The following POLR1E variants were observed in gnomAD, a reference collection of about 807,000 sequenced individuals.
POLR1E encodes RNA polymerase I subunit E.
In POLR1E, 37 loss-of-function variants were observed where a neutral mutation model predicts 50.9. That is an observed-to-expected ratio of 0.73 (90% confidence interval 0.56 to 0.96). The LOEUF is 0.96. Ranked by LOEUF, POLR1E falls within the 40% of genes least tolerant of loss-of-function variation. The pLI is 0.00. For missense variants in POLR1E, 426 were observed against 518.1 expected (o/e 0.82, Z 1.73); for synonymous variants, 166 against 191.6 (o/e 0.87, Z 1.10).
intron 6 of POLR1E, 134 bp from the exon 7 acceptor site, chr9:37,495,035 C>G: frequency 1.4e-6 from 1 of 701,662 alleles, no homozygotes; most frequent in Non-Finnish European, 2.5e-6. Context: ...GATGGGGAGG[C>G]GAGGTCACTT....
intron 10 of POLR1E, among the ~76,000 whole-genome samples, chr9:37,501,301 C>G (rs1588807845): frequency 6.6e-6 from 1 of 152,252 alleles, no homozygotes; most frequent in African/African-American, 2.4e-5. Context: ...AGGCCCTGCC[C>G]CTGGGCTTCC....
chr9:37,486,971 C>T (rs527855983), intron 2 of POLR1E, among the ~76,000 whole-genome samples, 165 bp downstream of exon 2: 1 of 152,298 alleles, frequency 6.6e-6, no homozygotes, highest in Non-Finnish European at 1.5e-5. Context: ...CAGGCTCCAT[C>T]TTTCATTCAT....
chr9:37,486,420 G>C (rs1198994467), intron 1 of POLR1E: 1 of 1,532,412 alleles, frequency 6.5e-7, no homozygotes, highest in Non-Finnish European at 8.8e-7. Flanking sequence ...CTGGGCAGGG[G>C]TTCCTTCTGT....
intron 6 of POLR1E, 67 bp from the exon 7 acceptor site, chr9:37,495,102 A>G (rs1017388695): frequency 1.5e-6 from 2 of 1,341,890 alleles, no homozygotes; most frequent in Non-Finnish European, 2.1e-6. Flanking sequence ...AAGTGCACAG[A>G]CTGAAAAGAA....
intron 3 of POLR1E, among the ~76,000 whole-genome samples, chr9:37,488,576 T>A (rs528370196): frequency 6.6e-6 from 1 of 152,048 alleles, no homozygotes; most frequent in African/African-American, 2.4e-5. Context: ...TGCTGAGAAC[T>A]ATTAACCCTG....
chr9:37,487,671 G>A (rs926713561), intron 2 of POLR1E, among the ~76,000 whole-genome samples, 192 bp from the exon 3 acceptor site: 3 of 152,178 alleles, frequency 2.0e-5, no homozygotes, highest in Non-Finnish European at 2.9e-5. Flanking sequence ...TCCAGAAGTC[G>A]TCTTGCTTCC....
intron 5 of POLR1E, 32 bp from the exon 6 acceptor site, chr9:37,493,526 TG>T: frequency 6.5e-7 from 1 of 1,545,620 alleles, no homozygotes. Context: ...CTACCTGTCC[TG>T]TCCCCAGTAA....
Position 37,495,209 on chromosome 9 carries a change from C to T in POLR1E, c.588C>T (p.Asp196=). 6.2e-7 allele frequency: 1 copy of T among 1,614,158 alleles called. No individual in the cohort carries two copies. The highest frequency in any genetic ancestry group is 1.3e-5 in the African/African-American group (1 of 75,056). Reference sequence around the variant, plus strand: ...CTATCCACAATGACTTGCAAGATGACTCCCTCTACCTTCCTCCCTGCTATG... The same window carrying T: ...CTATCCACAATGACTTGCAAGATGATTCCCTCTACCTTCCTCCCTGCTATG... ...SDAIHNDLQD[D]SLYLPPCYDD... Residue 196 remains aspartate (D), a synonymous_variant, in exon 7 of 12, where the codon GAC becomes GAT. Transcript: ENST00000377798.
At chr9:37,493,254 TCTA>T (rs980764509) in intron 5 of POLR1E, among the ~76,000 whole-genome samples, 7 of 152,308 alleles carry the variant, frequency 4.6e-5, no homozygotes, top group African/African-American at 1.7e-4. Context: ...GAATTACCAT[TCTA>T]CTATTCCTGT....
chr9:37,492,823 C>A, intron 5 of POLR1E, 108 bp downstream of exon 5: 3 of 925,298 alleles, frequency 3.2e-6, no homozygotes, highest in Non-Finnish European at 5.2e-6. Flanking sequence ...TCCCTGGCTG[C>A]TCCCCGCTCA....
Position 37,487,940 on chromosome 9 carries a change from G to T in POLR1E, c.257+1G>T. On this transcript the variant is annotated splice_donor_variant, in intron 3 of 11. Transcript: ENST00000377798. LOFTEE classifies it high-confidence loss of function. Reference sequence around the variant, plus strand: ...CCCTCAAATGCAACACTTTGTGCAGGTAATGGCAGGGGAAGGGACAGTGGG... The same window carrying T: ...CCCTCAAATGCAACACTTTGTGCAGTTAATGGCAGGGGAAGGGACAGTGGG... 6.2e-7 allele frequency: 1 copy of T among 1,613,986 alleles called. No homozygotes were observed. Among genetic ancestry groups the T allele is most frequent in the Non-Finnish European group, 8.5e-7 (1 of 1,179,932 alleles).
chr9:37,486,361 G>T, intron 1 of POLR1E: 1 of 1,462,296 alleles, frequency 6.8e-7, no homozygotes, highest in Non-Finnish European at 9.1e-7. Context: ...GGACCCTGCT[G>T]ACCCCCTCAC....
chr9:37,503,261 C>G lies in POLR1E; in HGVS notation c.*59C>G. On this transcript the variant is annotated 3_prime_UTR_variant, in exon 12 of 12. Transcript: ENST00000377798. ...ATCACAGCCACTGGCTGGTCCTATT[C>G]ATTTCCATTTTTATGTATGTTTTGA... 6.6e-7 allele frequency: 1 copy of G among 1,508,736 alleles called. No homozygotes were observed. Among genetic ancestry groups the G allele is most frequent in the Non-Finnish European group, 8.9e-7 (1 of 1,127,546 alleles). 93.5% of individuals were successfully genotyped at this position (1,508,736 alleles called of 1,614,324 possible).
chr9:37,486,407 T>G, intron 1 of POLR1E: 1 of 1,519,690 alleles, frequency 6.6e-7, no homozygotes, highest in Non-Finnish European at 8.9e-7. Context: ...TTCCCTCTCT[T>G]CACTGGGCAG....
At chr9:37,503,008 G>T in intron 11 of POLR1E, 35 bp from the exon 12 acceptor site, 1 of 1,578,652 alleles carries the variant, frequency 6.3e-7, no homozygotes, top group East Asian at 2.3e-5. Flanking sequence ...CATGTTGAGG[G>T]GTCTCTCCAG....
intron 4 of POLR1E, among the ~76,000 whole-genome samples, chr9:37,492,000 G>A (rs952463092): frequency 1.3e-5 from 2 of 152,200 alleles, no homozygotes; most frequent in Non-Finnish European, 2.9e-5. Context: ...CACACACAGA[G>A]ATAACATTTA....
At position 37,489,943 on chromosome 9, in the gene POLR1E, G is replaced by A. The variant is rs73439413; in HGVS notation, c.343+543G>A. ...CAGGCACCAAGCTGGGGCTGTGGAT[G>A]TGGCAGTAAGCAAGACAGACACAGA... is the stretch of plus-strand genomic sequence containing the variant. On this transcript the variant is annotated intron_variant, in intron 4 of 11. Transcript: ENST00000377798. Among the ~76,000 whole-genome samples the A allele has an allele frequency of 6.9e-3, 1,052 of 152,274 alleles. 19 individuals carry two copies. Among genetic ancestry groups the A allele is most frequent in the African/African-American group, 0.023 (952 of 41,544 alleles).
At position 37,501,803 on chromosome 9, in the gene POLR1E, C is replaced by T. The variant is rs767019108; in HGVS notation, c.1059C>T (p.Asp353=). Reference sequence around the variant, plus strand: ...TGCACATACATGACTTCCAAATTGACCTGACAGTGTTACAGAGGGACTTGA... The same window carrying T: ...TGCACATACATGACTTCCAAATTGATCTGACAGTGTTACAGAGGGACTTGA... The part of the protein sequence containing the change: ...LALHIHDFQI[D]LTVLQRDLKL... The change falls in exon 11 of 12, where the codon GAC becomes GAT. Residue 353 remains aspartate, a synonymous_variant. Coordinates refer to ENST00000377798, the MANE Select transcript of POLR1E (RefSeq NM_022490.4). The T allele has an allele frequency of 4.8e-5, 77 of 1,613,870 alleles. No homozygotes were observed. The highest frequency in any genetic ancestry group is 1.6e-4 in the Middle Eastern group (1 of 6,084).
chr9:37,486,010 C>G lies in POLR1E; in HGVS notation c.-38C>G, dbSNP rs768091738. 2 of 1,578,646 alleles carry G rather than the reference C, an allele frequency of 1.3e-6. No homozygotes were observed. The highest frequency in any genetic ancestry group is 2.3e-5 in the East Asian group (1 of 43,354). ...TTTAAAAGTGCGCTTGTGGCTGCTG[C>G]TGTCTTAACTCCTGTGCTTGGCGGA... On this transcript the variant is annotated 5_prime_UTR_variant, in exon 1 of 12. Transcript: ENST00000377798.
Sources: allele counts gnomAD v4.1 joint callset (sites outside exome capture counted in the v4.1 genomes callset), GRCh38; gene constraint gnomAD v4.1.1; transcripts MANE v1.5; gene names NCBI Gene and HGNC (gene_info 2026-07-23, HGNC 2026-07-21).